The following LENG8 variants were observed in gnomAD, a reference collection of about 807,000 sequenced individuals.
The protein encoded by LENG8 is leukocyte receptor cluster (LRC) member 8.
A neutral mutation model predicts 102.1 loss-of-function variants in LENG8; 28 were observed. That is an observed-to-expected ratio of 0.27 (90% CI 0.20 to 0.38). The LOEUF is 0.38. Ranked by LOEUF, LENG8 falls within the 10% of genes least tolerant of loss-of-function variation. The pLI is 1.00. For missense variants in LENG8, 1,022 were observed against 1,113.9 expected (o/e 0.92, Z 1.17); for synonymous variants, 531 against 456.7 (o/e 1.16, Z -2.07).
chr19:54,453,372 T>C (rs1278311767), intron 4 of LENG8, among the ~76,000 whole-genome samples, 174 bp from the exon 5 acceptor site: 1 of 152,082 alleles, frequency 6.6e-6, no homozygotes, highest in African/African-American at 2.4e-5. Flanking sequence ...AGATGTGGGA[T>C]TGATAGAGGT....
intron 1 of LENG8, chr19:54,449,767 C>G (rs1215471747): frequency 6.6e-6 from 1 of 152,374 alleles, no homozygotes; most frequent in Non-Finnish European, 1.5e-5. Context: ...CCTCAGGCCT[C>G]GCGTCTGATG....
intron 5 of LENG8, among the ~76,000 whole-genome samples, chr19:54,453,936 T>C (rs201030147): frequency 6.6e-6 from 1 of 152,154 alleles, no homozygotes; most frequent in East Asian, 1.9e-4. Flanking sequence ...GCATTGAATG[T>C]GCAGCTTGGA....
In LENG8 at chr19:54,454,480, G is replaced by A; in HGVS notation, c.477G>A (p.Gln159=). ...DESMSYQAPP[Q]QLPSAQPPQP... ...GCATGTCCTACCAGGCTCCCCCTCA[G>A]CAGCTGCCGTCGGCTCAGCCCCCTC... The change falls in exon 6 of 16, where the codon CAG becomes CAA. Residue 159 remains glutamine (Q), a synonymous_variant. Transcript: ENST00000326764. The A allele has an allele frequency of 6.2e-7, 1 of 1,613,790 alleles. No individual in the cohort carries two copies. Among genetic ancestry groups the A allele is most frequent in the Non-Finnish European group, 8.5e-7 (1 of 1,179,896 alleles).
intron 15 of LENG8, chr19:54,458,874 C>T (rs1359797485): frequency 2.6e-6 from 4 of 1,549,290 alleles, no homozygotes; most frequent in East Asian, 2.4e-5. Flanking sequence ...GAGGTCTCTG[C>T]TTTCTCAGCT....
chr19:54,457,135 C>T lies in LENG8; in HGVS notation c.1731+214C>T, dbSNP rs149847702. On this transcript the variant is annotated intron_variant, in intron 11 of 15. Coordinates refer to ENST00000326764, the MANE Select transcript of LENG8 (RefSeq NM_052925.4). Reference sequence around the variant, plus strand: ...CGTGGCGGGTGTGCAGCTTGGCCGGCGAATCGCTTGACCTCTGGGCCGTGG... The same window carrying T: ...CGTGGCGGGTGTGCAGCTTGGCCGGTGAATCGCTTGACCTCTGGGCCGTGG... Among the ~76,000 whole-genome samples, 819 of 152,350 alleles carry T rather than the reference C, an allele frequency of 5.4e-3. 4 individuals carry two copies. The highest frequency in any genetic ancestry group is 0.011 in the Admixed American group (176 of 15,306).
chr19:54,455,378 G>T lies in LENG8; in HGVS notation c.836G>T (p.Arg279Leu). The T allele has an allele frequency of 6.2e-7, 1 of 1,614,092 alleles. No homozygotes were observed. Among genetic ancestry groups the T allele is most frequent in the Non-Finnish European group, 8.5e-7 (1 of 1,179,976 alleles). The change falls in exon 8 of 16, where the codon CGG (arginine) becomes CTG (leucine). Residue 279 changes from arginine to leucine, a missense_variant. By Grantham distance (102) the Arg-to-Leu change is moderately radical. This residue lies in a region of LENG8 where 343 missense variants were observed against 320.2 expected (regional missense o/e 1.07). Transcript: ENST00000326764. Reference protein sequence around the residue: ...KVQNHSGSSARGNLSGKPDDW... With the variant: ...KVQNHSGSSALGNLSGKPDDW... ...TCCTCCCGCAGCGGGTCCTCTGCCCGGGGGAACCTGTCTGGGAAGCCGGAT... is the reference window on the plus strand; with the variant it reads ...TCCTCCCGCAGCGGGTCCTCTGCCCTGGGGAACCTGTCTGGGAAGCCGGAT...
At position 54,456,383 on chromosome 19, in the gene LENG8, C is replaced by A. The variant is rs373053662; in HGVS notation, c.1363C>A (p.Arg455Ser). ...YSGNECHPVG[R>S]RNPPPKGRGG... ...AGGGAATGAGTGTCACCCTGTGGGC[C>A]GCAGGAACCCGCCCCCTAAGGGCCG... is the stretch of plus-strand genomic sequence containing the variant. Residue 455 changes from arginine to serine, a missense_variant, in exon 10 of 16, where the codon CGC (arginine) becomes AGC (serine). Physicochemically the swap from Arg to Ser is moderately radical, Grantham distance 110 (BLOSUM62 -1). Coordinates refer to ENST00000326764, the MANE Select transcript of LENG8 (RefSeq NM_052925.4). The A allele has an allele frequency of 2.5e-6, 4 of 1,612,506 alleles. No individual in the cohort carries two copies. The highest frequency in any genetic ancestry group is 3.4e-6 in the Non-Finnish European group (4 of 1,179,952).
Position 54,456,372 on chromosome 19 carries a change from A to G in LENG8, c.1352A>G (p.His451Arg). 1.2e-6 allele frequency: 2 copies of G among 1,612,960 alleles called. No individual in the cohort carries two copies. The highest frequency in any genetic ancestry group is 1.3e-5 in the African/African-American group (1 of 74,978). Residue 451 changes from histidine to arginine, a missense_variant, in exon 10 of 16, where the codon CAC becomes CGC. Coordinates refer to ENST00000326764, the MANE Select transcript of LENG8 (RefSeq NM_052925.4). ...SDSSYSGNEC[H>R]PVGRRNPPPK... The stretch of plus-strand genomic sequence containing the variant: ...AGCTCCTACTCAGGGAATGAGTGTC[A>G]CCCTGTGGGCCGCAGGAACCCGCCC...
chr19:54,461,588 C>T lies in LENG8; in HGVS notation c.*660C>T, dbSNP rs1218351725. ...AAGTTGTATAAAGTTGTCTCCGTGT[C>T]CCCTCCTCCCTCTGCCCCCAGTGTT... On this transcript the variant is annotated 3_prime_UTR_variant, in exon 16 of 16. Coordinates refer to ENST00000326764, the MANE Select transcript of LENG8 (RefSeq NM_052925.4). 1.1e-5 allele frequency: 5 copies of T among 472,754 alleles called. No homozygotes were observed. The highest frequency in any genetic ancestry group is 4.0e-5 in the African/African-American group (2 of 50,096). The allele number at this position is 472,754 out of a possible 1,614,324, so 29.3% of individuals were successfully genotyped here. A position where few individuals can be genotyped will look rare whatever the true frequency, so the allele number is the denominator to read the frequency against.
intron 1 of LENG8, among the ~76,000 whole-genome samples, chr19:54,450,650 T>G (rs536350300): frequency 6.6e-6 from 1 of 150,418 alleles, no homozygotes; most frequent in African/African-American, 2.5e-5. Context: ...GAGACAGAGT[T>G]TCGCTCTTGT....
rs200148995 is a variant in LENG8 at position 54,455,360 on chromosome 19, G to T, written c.822-4G>T. On this transcript the variant is annotated splice_region_variant and splice_polypyrimidine_tract_variant and intron_variant, in intron 7 of 15. Transcript: ENST00000326764. Reference sequence around the variant, plus strand: ...AGCTGAGCCCCTCATCTGTCCTCCCGCAGCGGGTCCTCTGCCCGGGGGAAC... The same window carrying T: ...AGCTGAGCCCCTCATCTGTCCTCCCTCAGCGGGTCCTCTGCCCGGGGGAAC... The T allele has an allele frequency of 2.5e-6, 4 of 1,613,854 alleles. No individual in the cohort carries two copies. Among genetic ancestry groups the T allele is most frequent in the African/African-American group, 1.3e-5 (1 of 74,934 alleles).
Position 54,457,193 on chromosome 19 carries a change from T to A in LENG8, c.1731+272T>A, listed in dbSNP as rs145717734. 3.8e-4 allele frequency among the ~76,000 whole-genome samples: 58 copies of A among 152,332 alleles called. 1 individual carries two copies. Among genetic ancestry groups the A allele is most frequent in the African/African-American group, 1.3e-3 (53 of 41,576 alleles). ...CTTAGGTGACACGGAGCATAAAGCC[T>A]TCTCCCAGGCCCGTGGGCTGTGGGG... On this transcript the variant is annotated intron_variant, in intron 11 of 15. Coordinates refer to ENST00000326764, the MANE Select transcript of LENG8 (RefSeq NM_052925.4).
chr19:54,460,234 A>G (rs2084461484), intron 15 of LENG8: 1 of 1,286,560 alleles, frequency 7.8e-7, no homozygotes. Flanking sequence ...AAGAGGGTTC[A>G]GGGAGCTCTG....
chr19:54,457,458 A>G (rs906415224), intron 11 of LENG8, among the ~76,000 whole-genome samples: 1 of 152,124 alleles, frequency 6.6e-6, no homozygotes, highest in Non-Finnish European at 1.5e-5. Flanking sequence ...CTCCTGCCTC[A>G]GCCTCCCTAG....
rs933657389 is a variant in LENG8 at position 54,460,256 on chromosome 19, C to G, written c.2241-510C>G. 3.1e-6 allele frequency: 4 copies of G among 1,279,226 alleles called. No individual in the cohort carries two copies. In the African/African-American group the frequency reaches 4.6e-5, roughly 15 times the overall value. 79.2% of individuals were successfully genotyped at this position (1,279,226 alleles called of 1,614,324 possible). ...TTCAGGGAGCTCTGAGGACCTGGCT[C>G]GTGCTAGATGCTCAGTCAGTAGTGT... On this transcript the variant is annotated intron_variant, in intron 15 of 15. Coordinates refer to ENST00000326764, the MANE Select transcript of LENG8 (RefSeq NM_052925.4).
At chr19:54,460,723 TCCCGCCCG>T (rs777198515) in intron 15 of LENG8, 35 bp from the exon 16 acceptor site, 54 of 455,704 alleles carry the variant, frequency 1.2e-4, no homozygotes, top group East Asian at 7.0e-4. Flanking sequence ...TCCCCTGCCC[TCCCGCCCG>T]CCCGCCTCAT....
At chr19:54,460,719 G>GGGGCCCCCCCC in intron 15 of LENG8, 47 bp from the exon 16 acceptor site, 3 of 778,920 alleles carry the variant, frequency 3.9e-6, no homozygotes, top group Non-Finnish European at 3.6e-6. Context: ...GCCCTCCCCT[G>GGGGCCCCCCCC]CCCTCCCGCC....
At chr19:54,453,427 T>A in intron 4 of LENG8, 119 bp from the exon 5 acceptor site, 4 of 683,718 alleles carry the variant, frequency 5.9e-6, no homozygotes, top group Non-Finnish European at 1.1e-5. Flanking sequence ...ATTAATATAG[T>A]GAAGAGAGAA....
rs1412572274 is a variant in LENG8 at position 54,461,513 on chromosome 19, C to T, written c.*585C>T. 10 of 470,102 alleles carry T rather than the reference C, an allele frequency of 2.1e-5. No homozygotes were observed. Among genetic ancestry groups the T allele is most frequent in the African/African-American group, 1.6e-4 (8 of 50,104 alleles). The allele number at this position is 470,102 out of a possible 1,614,324, so 29.1% of individuals were successfully genotyped here. On this transcript the variant is annotated 3_prime_UTR_variant, in exon 16 of 16. Transcript: ENST00000326764. Reference sequence around the variant, plus strand: ...GTGCCAGCACCACCAGCACCAGATCCTCCGCCGCCACACCGCACTGAGGAC... The same window carrying T: ...GTGCCAGCACCACCAGCACCAGATCTTCCGCCGCCACACCGCACTGAGGAC...
Sources: allele counts gnomAD v4.1 joint callset (sites outside exome capture counted in the v4.1 genomes callset), GRCh38; gene constraint gnomAD v4.1.1; regional missense constraint gnomAD v4.1.1; transcripts MANE v1.5; gene names NCBI Gene and HGNC (gene_info 2026-07-23, HGNC 2026-07-21).